The following FBXL18 variants were observed in gnomAD, a reference collection of about 807,000 sequenced individuals.
FBXL18 encodes F-box and leucine rich repeat protein 18.
Under a neutral mutation model 46.0 loss-of-function variants are expected in FBXL18, and 36 were observed. The ratio of observed to expected loss-of-function variants is 0.78; its 90% confidence interval spans 0.60 to 1.03. The LOEUF (loss-of-function observed/expected upper bound fraction) is 1.03. FBXL18 is among the 50% of genes least tolerant of loss of function. The probability of loss-of-function intolerance (pLI) is 0.00; values close to 1 mark genes in which losing one functional copy is unlikely to be tolerated. For missense variants in FBXL18, 977 were observed against 1,004.1 expected, an observed-to-expected ratio of 0.97 and a Z score of 0.36; for synonymous variants, 557 against 465.3, an observed-to-expected ratio of 1.20 and a Z score of -2.54.
At position 5,506,619 on chromosome 7, in the gene FBXL18, C is replaced by T. The variant is rs187957751; in HGVS notation, c.19-989G>A. 4.3e-3 allele frequency among the ~76,000 whole-genome samples: 643 copies of T among 148,778 alleles called. 1 individual carries two copies. The highest frequency in any genetic ancestry group is 7.2e-3 in the Non-Finnish European group (486 of 67,638). On this transcript the variant is annotated intron_variant, in intron 1 of 4. Coordinates refer to ENST00000382368, the MANE Select transcript of FBXL18 (RefSeq NM_024963.6). ...TGGCCCAGGCTGGAGTGCAATGGTGCGATCTTGGTTCACTGCAACCTCCAC... is the reference window on the plus strand; with the variant it reads ...TGGCCCAGGCTGGAGTGCAATGGTGTGATCTTGGTTCACTGCAACCTCCAC...
intron 4 of FBXL18, among the ~76,000 whole-genome samples, chr7:5,486,401 G>T (rs1584208955): frequency 6.6e-6 from 1 of 150,880 alleles, no homozygotes; most frequent in African/African-American, 2.4e-5. Context: ...CCTGGGAAAC[G>T]AGCGAAACTC....
intron 4 of FBXL18, among the ~76,000 whole-genome samples, chr7:5,460,607 C>A (rs952954157): frequency 6.6e-6 from 1 of 152,228 alleles, no homozygotes; most frequent in Non-Finnish European, 1.5e-5. Flanking sequence ...GCATGTGCCA[C>A]GACACCAGCT....
intron 4 of FBXL18, among the ~76,000 whole-genome samples, chr7:5,456,566 G>C (rs1211991524): frequency 6.6e-6 from 1 of 152,166 alleles, no homozygotes; most frequent in Non-Finnish European, 1.5e-5. Flanking sequence ...AGCAAGGTGG[G>C]GGGGCTCCAG....
intron 4 of FBXL18, 103 bp from the exon 5 acceptor site, chr7:5,482,034 G>C (rs909756721): frequency 1.3e-5 from 18 of 1,356,150 alleles, no homozygotes; most frequent in Non-Finnish European, 1.5e-5. Flanking sequence ...TCCCCGTCCC[G>C]GGCTCACCTG....
At chr7:5,462,136 G>C (rs1470691062) in intron 4 of FBXL18, among the ~76,000 whole-genome samples, 3 of 151,988 alleles carry the variant, frequency 2.0e-5, no homozygotes, top group Non-Finnish European at 4.4e-5. Context: ...GCTGAGGCAG[G>C]AGAATGGCTT....
intron 3 of FBXL18, among the ~76,000 whole-genome samples, chr7:5,500,056 C>A (rs1457610032): frequency 2.7e-5 from 4 of 149,534 alleles, no homozygotes; most frequent in Non-Finnish European, 5.9e-5. Flanking sequence ...CAGAGCGAGA[C>A]CCTGTCTCAA....
At position 5,496,860 on chromosome 7, in the gene FBXL18, T is replaced by C. The variant is rs909833298; in HGVS notation, c.1781+3628A>G. Among the ~76,000 whole-genome samples the C allele has an allele frequency of 6.6e-6, 1 of 151,614 alleles. No individual in the cohort carries two copies. The highest frequency in any genetic ancestry group is 2.4e-5 in the African/African-American group (1 of 41,246). On this transcript the variant is annotated intron_variant, in intron 3 of 4. Transcript: ENST00000382368. The surrounding 1 kb of genome is among the most constrained non-coding windows in gnomAD (Gnocchi z 4.8). Reference sequence around the variant, plus strand: ...GGCCAACATGGTGAAACCCCGTCTCTACTAAAAATACAAAAAAAAAATTAG... The same window carrying C: ...GGCCAACATGGTGAAACCCCGTCTCCACTAAAAATACAAAAAAAAAATTAG...
chr7:5,463,002 T>TACAC (rs1783278516), intron 4 of FBXL18, among the ~76,000 whole-genome samples: 2 of 87,576 alleles, frequency 2.3e-5, no homozygotes, highest in African/African-American at 3.9e-5. Flanking sequence ...ATATAATATA[T>TACAC]ATACACACAC....
At chr7:5,464,589 GGAGAC>G (rs973878092) in intron 4 of FBXL18, among the ~76,000 whole-genome samples, 6 of 146,024 alleles carry the variant, frequency 4.1e-5, no homozygotes, top group African/African-American at 1.5e-4. Flanking sequence ...CTTCAACCCA[GGAGAC>G]GAATGTTGCA....
downstream of FBXL18, among the ~76,000 whole-genome samples, chr7:5,471,402 A>C (rs1043383885): frequency 6.6e-6 from 1 of 152,012 alleles, no homozygotes; most frequent in African/African-American, 2.4e-5. Flanking sequence ...TCAGCCTCCC[A>C]AGTAGCTGGG....
chr7:5,490,161 T>G, intron 4 of FBXL18: 3 of 1,356,578 alleles, frequency 2.2e-6, no homozygotes, highest in Non-Finnish European at 3.0e-6. Flanking sequence ...CTGATGGCTC[T>G]TCTCGCAACT....
intron 4 of FBXL18, among the ~76,000 whole-genome samples, chr7:5,487,899 C>T (rs1783817864): frequency 6.6e-6 from 1 of 152,240 alleles, no homozygotes; most frequent in African/African-American, 2.4e-5. Context: ...GGGACTGGCA[C>T]AGAGGGATGG....
Position 5,491,250 on chromosome 7 carries a change from G to A in FBXL18, c.1981C>T (p.Gln661Ter), listed in dbSNP as rs1393564337. ...ACTCACCTGCGGAGAAGCGACTGCTGCAGGCTCTTGCAGGTGGCGAGGGAC... is the reference window on the plus strand; with the variant it reads ...ACTCACCTGCGGAGAAGCGACTGCTACAGGCTCTTGCAGGTGGCGAGGGAC... ...GESLATCKSL[Q>*]QSLLRSFQAE... Residue 661 changes from glutamine (Q) to a stop codon, truncating the protein, a stop_gained, in exon 4 of 5, where the codon CAG (glutamine) becomes TAG (stop). Transcript: ENST00000382368. LOFTEE classifies it high-confidence loss of function. The A allele has an allele frequency of 1.9e-6, 3 of 1,612,632 alleles. No individual in the cohort carries two copies. Among genetic ancestry groups the A allele is most frequent in the Non-Finnish European group, 2.5e-6 (3 of 1,179,556 alleles).
intron 4 of FBXL18, among the ~76,000 whole-genome samples, chr7:5,467,289 T>G (rs1021861300): frequency 1.4e-4 from 21 of 152,058 alleles, no homozygotes; most frequent in African/African-American, 4.8e-4. Context: ...AGGCGGAGCT[T>G]GCAGTGAGCC....
At chr7:5,513,605 G>C in intron 1 of FBXL18, 52 bp downstream of exon 1, 1 of 1,604,798 alleles carries the variant, frequency 6.2e-7, no homozygotes. Flanking sequence ...AGAACCCAGG[G>C]AGACCGAGGC....
intron 1 of FBXL18, among the ~76,000 whole-genome samples, chr7:5,511,016 C>T (rs1033294013): frequency 1.3e-5 from 2 of 152,236 alleles, no homozygotes; most frequent in African/African-American, 4.8e-5. Context: ...TAACATTTCA[C>T]AGTTTTTTCA....
At chr7:5,513,575 G>A (rs1314979075) in intron 1 of FBXL18, 82 bp downstream of exon 1, 1 of 1,524,506 alleles carries the variant, frequency 6.6e-7, no homozygotes, top group Non-Finnish European at 9.0e-7. Context: ...AGGATGCAAG[G>A]GAACCCGGGT....
chr7:5,492,924 C>G (rs190298673), intron 3 of FBXL18, among the ~76,000 whole-genome samples: 20 of 152,284 alleles, frequency 1.3e-4, no homozygotes, highest in Admixed American at 1.2e-3. Flanking sequence ...TTGCATGAAG[C>G]CACTCAGTTT....
intron 4 of FBXL18, among the ~76,000 whole-genome samples, chr7:5,467,035 G>T (rs1437875232): frequency 6.6e-6 from 1 of 152,106 alleles, no homozygotes. Context: ...TGGCCATCAC[G>T]GCGAAACCCT....
Sources: allele counts gnomAD v4.1 joint callset (sites outside exome capture counted in the v4.1 genomes callset), GRCh38; gene constraint gnomAD v4.1.1; non-coding constraint Gnocchi (gnomAD v3.1); transcripts MANE v1.5; gene names NCBI Gene and HGNC (gene_info 2026-07-23, HGNC 2026-07-21).